Variants in NPAS3 observed in about 807,000 individuals in gnomAD.
NPAS3 encodes neuronal PAS domain-containing protein 3.
A neutral mutation model predicts 73.1 loss-of-function variants in NPAS3; 14 were observed. The observed-to-expected ratio is 0.19, with a 90% CI of 0.13 to 0.30. NPAS3 has a LOEUF of 0.30. Ranked by LOEUF, NPAS3 falls within the 10% of genes least tolerant of loss-of-function variation. The pLI is 1.00. For synonymous variants in NPAS3, 620 were observed against 541.5 expected (o/e 1.14, Z -2.01); for missense variants, 1,096 against 1,250.0 (o/e 0.88, Z 1.86).
intron 5 of NPAS3, among the ~76,000 whole-genome samples, chr14:33,581,081 G>A (rs1048873664): frequency 2.6e-5 from 4 of 152,160 alleles, no homozygotes; most frequent in African/African-American, 9.7e-5. Context: ...CTGAAAATTG[G>A]CCATGCAGAA....
intron 4 of NPAS3, among the ~76,000 whole-genome samples, chr14:33,487,173 CAAA>C (rs1245713664): frequency 3.9e-5 from 6 of 152,246 alleles, no homozygotes; most frequent in Middle Eastern, 3.4e-3. Flanking sequence ...GCTTTATCTT[CAAA>C]AATAAAGATG....
At chr14:33,747,930 GC>G (rs1161275330) in intron 7 of NPAS3, among the ~76,000 whole-genome samples, 1 of 151,972 alleles carries the variant, frequency 6.6e-6, no homozygotes, top group Non-Finnish European at 1.5e-5. Flanking sequence ...TGTTCCTTCT[GC>G]ACCCCATCAT....
intron 4 of NPAS3, among the ~76,000 whole-genome samples, chr14:33,387,073 T>G (rs1306612926): frequency 1.3e-5 from 2 of 152,166 alleles, no homozygotes; most frequent in African/African-American, 4.8e-5. Flanking sequence ...GGAACCCACA[T>G]GGGACCAGGA....
chr14:33,451,032 A>G (rs1422601153), intron 4 of NPAS3, among the ~76,000 whole-genome samples: 1 of 152,202 alleles, frequency 6.6e-6, no homozygotes, highest in African/African-American at 2.4e-5. Flanking sequence ...TAAGTTGTGT[A>G]GTCTTACTCT....
rs916128941 is a variant in NPAS3, at chr14:33,178,065, A to G, written c.141-37117A>G. Among the ~76,000 whole-genome samples the G allele has an allele frequency of 3.4e-5, 5 of 145,462 alleles. No individual in the cohort carries two copies. The Admixed American group carries it at 3.7e-4, about 11-fold the overall frequency. On this transcript the variant is annotated intron_variant, in intron 2 of 11. Coordinates refer to ENST00000356141, the Ensembl canonical transcript of NPAS3. ...ATGTTGGAATTTTGATAGGCATTGA[A>G]GTGAATTTTTTTTGTTTTTTTTTTT...
At chr14:32,951,934 A>G (rs1004797928) in intron 1 of NPAS3, among the ~76,000 whole-genome samples, 1 of 152,060 alleles carries the variant, frequency 6.6e-6, no homozygotes, top group Non-Finnish European at 1.5e-5. Context: ...ACGAGTGGAT[A>G]AGATTTCTTA....
intron 3 of NPAS3, among the ~76,000 whole-genome samples, chr14:33,230,782 T>C (rs2047820185): frequency 6.6e-6 from 1 of 152,196 alleles, no homozygotes; most frequent in Admixed American, 6.5e-5. Context: ...TCTTTTCATA[T>C]TCTGAATAGG....
At chr14:33,446,208 G>A (rs1367491961) in intron 4 of NPAS3, among the ~76,000 whole-genome samples, 18 of 127,856 alleles carry the variant, frequency 1.4e-4, no homozygotes, top group African/African-American at 4.8e-4. Flanking sequence ...TCGCTCTGTC[G>A]CCCAGGCCGG....
At chr14:33,618,404 C>T (rs535740165) in intron 5 of NPAS3, among the ~76,000 whole-genome samples, 1 of 152,166 alleles carries the variant, frequency 6.6e-6, no homozygotes, top group African/African-American at 2.4e-5. Flanking sequence ...ACAGAATCAT[C>T]AGGCACTAGA....
rs76404958 is a variant in NPAS3 at position 33,284,281 on chromosome 14, C to G, written c.385+68855C>G. Among the ~76,000 whole-genome samples, 31 of 152,130 alleles carry G rather than the reference C, an allele frequency of 2.0e-4. No homozygotes were observed. In the East Asian group the frequency reaches 6.0e-3, roughly 29 times the overall value. ...TGTTTGGCTGTATTTTGGGGTCATA[C>G]TTTAGATGACATAAGAGCTATTGTT... On this transcript the variant is annotated intron_variant, in intron 3 of 11. Coordinates refer to ENST00000356141, the Ensembl canonical transcript of NPAS3.
intron 4 of NPAS3, among the ~76,000 whole-genome samples, chr14:33,413,603 G>A (rs188050188): frequency 6.6e-6 from 1 of 152,320 alleles, no homozygotes; most frequent in Non-Finnish European, 1.5e-5. Flanking sequence ...CTGGCAGCGT[G>A]AGGATTGCTA....
chr14:33,289,458 T>C (rs1004991860), intron 3 of NPAS3, among the ~76,000 whole-genome samples: 1 of 152,188 alleles, frequency 6.6e-6, no homozygotes, highest in Non-Finnish European at 1.5e-5. Flanking sequence ...TCCTTGGCCC[T>C]TTTAAAACCT....
chr14:33,425,509 T>A (rs554066100), intron 4 of NPAS3, among the ~76,000 whole-genome samples: 1 of 150,896 alleles, frequency 6.6e-6, no homozygotes, highest in Non-Finnish European at 1.5e-5. Context: ...AAAAATATAC[T>A]CAAGCCAGAT....
At chr14:33,476,111 A>G (rs1158080327) in intron 4 of NPAS3, among the ~76,000 whole-genome samples, 1 of 152,206 alleles carries the variant, frequency 6.6e-6, no homozygotes, top group Non-Finnish European at 1.5e-5. Flanking sequence ...TATCCCATGT[A>G]CAGTTTACTT....
At chr14:33,480,269 C>A (rs1296458937) in intron 4 of NPAS3, among the ~76,000 whole-genome samples, 2 of 152,036 alleles carry the variant, frequency 1.3e-5, no homozygotes, top group Non-Finnish European at 2.9e-5. Flanking sequence ...TATCTATTTG[C>A]CTCTAATACA....
chr14:33,125,436 GA>G (rs2043392017), intron 2 of NPAS3, among the ~76,000 whole-genome samples: 1 of 150,374 alleles, frequency 6.7e-6, no homozygotes, highest in Admixed American at 6.6e-5. Context: ...CAAAAAATGA[GA>G]TTTTTTTTTC....
intron 5 of NPAS3, among the ~76,000 whole-genome samples, chr14:33,563,537 C>CACACACACACACACACACACACACAGAG: frequency 6.5e-4 from 78 of 119,686 alleles, no homozygotes; most frequent in Admixed American, 1.7e-3. Context: ...CACACACACA[C>CACACACACACACACACACACACACAGAG]AGAGAGAGAG....
chr14:33,072,277 T>G (rs143944366), intron 2 of NPAS3, among the ~76,000 whole-genome samples: 92 of 152,362 alleles, frequency 6.0e-4, no homozygotes, highest in Middle Eastern at 6.8e-3. Context: ...TATTCTAGAC[T>G]AATTTATGGG....
intron 1 of NPAS3, among the ~76,000 whole-genome samples, chr14:32,957,920 A>G (rs756959514): frequency 9.2e-5 from 14 of 152,168 alleles, no homozygotes; most frequent in Non-Finnish European, 1.8e-4. Flanking sequence ...ATTTTGTAGC[A>G]TAAGTGTAGA....
Sources: allele counts gnomAD v4.1 joint callset (sites outside exome capture counted in the v4.1 genomes callset), GRCh38; gene constraint gnomAD v4.1.1; transcripts MANE v1.5; gene names NCBI Gene and HGNC (gene_info 2026-07-23, HGNC 2026-07-21).